Variants in SLC38A8 observed in about 807,000 individuals in gnomAD.
SLC38A8 encodes amino acid transporter SLC38A8.
Under a neutral mutation model 46.0 loss-of-function variants are expected in SLC38A8, and 65 were observed. The observed-to-expected ratio is 1.41, with a 90% confidence interval of 1.16 to 1.74. SLC38A8 has a LOEUF of 1.74. SLC38A8 is among the 40% of genes most tolerant of loss of function. The pLI is 0.00. For synonymous variants in SLC38A8, 447 were observed against 243.7 expected (o/e 1.83, Z -7.77); for missense variants, 998 against 567.9 (o/e 1.76, Z -7.70).
chr16:84,019,503 G>T (rs2085071162), intron 7 of SLC38A8, among the ~76,000 whole-genome samples: 1 of 152,092 alleles, frequency 6.6e-6, no homozygotes, highest in South Asian at 2.1e-4. Context: ...CTTCTTAAAG[G>T]CCCCACCTCT....
intron 6 of SLC38A8, among the ~76,000 whole-genome samples, 198 bp downstream of exon 6, chr16:84,029,296 T>G (rs1292521230): frequency 6.6e-6 from 1 of 152,206 alleles, no homozygotes; most frequent in African/African-American, 2.4e-5. Context: ...CCCACTTCCC[T>G]GAGCCCAGAC....
intron 1 of SLC38A8, 132 bp from the exon 2 acceptor site, chr16:84,042,291 G>A: frequency 2.1e-6 from 2 of 961,010 alleles, no homozygotes; most frequent in East Asian, 2.7e-5. Context: ...CTTGGCGTCA[G>A]CTCCCCCTTT....
chr16:84,015,134 G>A (rs1416017199), intron 9 of SLC38A8, among the ~76,000 whole-genome samples: 2 of 152,172 alleles, frequency 1.3e-5, no homozygotes, highest in Non-Finnish European at 2.9e-5. Flanking sequence ...CTGAATCACA[G>A]GGTCCACTCA....
At position 84,042,056 on chromosome 16, in the gene SLC38A8, C is replaced by T; in HGVS notation, c.102G>A (p.Met34Ile). Reference sequence around the variant, plus strand: ...GCAGGCCAGCTCCCAGCGCGGACTTCATGAGGATGAAGACAGCGCCCATCG... The same window carrying T: ...GCAGGCCAGCTCCCAGCGCGGACTTTATGAGGATGAAGACAGCGCCCATCG... Reference protein sequence around the residue: ...LSSMGAVFILMKSALGAGLLN... With the variant: ...LSSMGAVFILIKSALGAGLLN... Residue 34 changes from methionine (M) to isoleucine (I), a missense_variant, in exon 2 of 11, where the codon ATG becomes ATA. Coordinates refer to ENST00000299709, the MANE Select transcript of SLC38A8 (RefSeq NM_001080442.3). 1 of 1,614,032 alleles carries T rather than the reference C, an allele frequency of 6.2e-7. No homozygotes were observed. Among genetic ancestry groups the T allele is most frequent in the Non-Finnish European group, 8.5e-7 (1 of 1,180,006 alleles).
intron 9 of SLC38A8, among the ~76,000 whole-genome samples, chr16:84,015,160 G>C (rs2085010201): frequency 6.6e-6 from 1 of 152,134 alleles, no homozygotes. Context: ...CACGCACTGA[G>C]GGAGTCTCGA....
chr16:84,024,814 C>A (rs536852286), intron 6 of SLC38A8, among the ~76,000 whole-genome samples: 2 of 152,156 alleles, frequency 1.3e-5, no homozygotes, highest in East Asian at 3.9e-4. Flanking sequence ...CTCAGCCTTC[C>A]GAGTAGCTGG....
Position 84,024,810 on chromosome 16 carries a change from C to T in SLC38A8, c.691-1921G>A, listed in dbSNP as rs575145825. Among the ~76,000 whole-genome samples the T allele has an allele frequency of 6.0e-3, 913 of 152,206 alleles. 3 individuals are homozygous for T. Among genetic ancestry groups the T allele is most frequent in the Non-Finnish European group, 0.011 (732 of 68,014 alleles). ...GCTTAAGCGACTCTCCTGCCTCAGC[C>T]TTCCGAGTAGCTGGGATTACAGGCA... On this transcript the variant is annotated intron_variant, in intron 6 of 10. Coordinates refer to ENST00000299709, the MANE Select transcript of SLC38A8 (RefSeq NM_001080442.3).
intron 7 of SLC38A8, 102 bp from the exon 8 acceptor site, chr16:84,017,389 T>C: frequency 1.5e-6 from 2 of 1,377,652 alleles, no homozygotes; most frequent in South Asian, 1.3e-5. Flanking sequence ...CCTAAGATTT[T>C]CCTTAGGAGC....
intron 5 of SLC38A8, among the ~76,000 whole-genome samples, chr16:84,030,210 G>A (rs186568511): frequency 9.9e-5 from 15 of 152,228 alleles, no homozygotes; most frequent in African/African-American, 3.4e-4. Flanking sequence ...GATCGCCGCG[G>A]CCCCCAGAAG....
chr16:84,034,110 G>T (rs2085276273), intron 3 of SLC38A8, among the ~76,000 whole-genome samples: 1 of 152,226 alleles, frequency 6.6e-6, no homozygotes, highest in East Asian at 1.9e-4. Context: ...TGCCTGATGG[G>T]TACACCTGGG....
chr16:84,014,923 G>T (rs2085007222), intron 9 of SLC38A8, among the ~76,000 whole-genome samples: 1 of 150,476 alleles, frequency 6.6e-6, no homozygotes, highest in African/African-American at 2.5e-5. Flanking sequence ...CACTTACCTG[G>T]GACCCTGAAC....
At chr16:84,040,240 G>C (rs1245740131) in intron 2 of SLC38A8, among the ~76,000 whole-genome samples, 1 of 152,184 alleles carries the variant, frequency 6.6e-6, no homozygotes, top group Admixed American at 6.5e-5. Flanking sequence ...GAGGCTAAAA[G>C]GAACAACTTG....
intron 6 of SLC38A8, among the ~76,000 whole-genome samples, chr16:84,026,668 G>A (rs573209042): frequency 1.3e-5 from 2 of 152,350 alleles, no homozygotes; most frequent in South Asian, 2.1e-4. Flanking sequence ...CCACCCAGAT[G>A]CCCATCAAAG....
intron 2 of SLC38A8, among the ~76,000 whole-genome samples, chr16:84,041,582 C>T (rs1356705044): frequency 6.6e-6 from 1 of 152,098 alleles, no homozygotes; most frequent in African/African-American, 2.4e-5. Context: ...CAAAGGGCTG[C>T]GATTATAGGC....
At chr16:84,019,662 G>C (rs2085072857) in intron 7 of SLC38A8, among the ~76,000 whole-genome samples, 1 of 152,172 alleles carries the variant, frequency 6.6e-6, no homozygotes, top group African/African-American at 2.4e-5. Flanking sequence ...TGACCCCAAA[G>C]TCTTCATTCG....
intron 9 of SLC38A8, among the ~76,000 whole-genome samples, chr16:84,013,432 T>TGTTG (rs1388491648): frequency 2.4e-5 from 3 of 122,866 alleles, no homozygotes; most frequent in African/African-American, 9.9e-5. Flanking sequence ...GTGTTTTTTT[T>TGTTG]TTTTTTTTTT....
chr16:84,034,536 G>A (rs2085280483), intron 3 of SLC38A8, among the ~76,000 whole-genome samples: 1 of 152,222 alleles, frequency 6.6e-6, no homozygotes, highest in African/African-American at 2.4e-5. Flanking sequence ...GGAGATGGGA[G>A]GCCGAGGAGC....
intron 10 of SLC38A8, among the ~76,000 whole-genome samples, chr16:84,012,398 C>G (rs59130755): frequency 6.6e-6 from 1 of 152,288 alleles, no homozygotes; most frequent in South Asian, 2.1e-4. Context: ...AGGAAAGATC[C>G]AAATTATCTG....
intron 4 of SLC38A8, among the ~76,000 whole-genome samples, chr16:84,032,866 G>A (rs1597272931): frequency 6.6e-6 from 1 of 152,198 alleles, no homozygotes; most frequent in East Asian, 1.9e-4. Flanking sequence ...GCGTGCATGG[G>A]CACGGGGACA....
Sources: allele counts gnomAD v4.1 joint callset (sites outside exome capture counted in the v4.1 genomes callset), GRCh38; gene constraint gnomAD v4.1.1; transcripts MANE v1.5; gene names NCBI Gene and HGNC (gene_info 2026-07-23, HGNC 2026-07-21).